The following BCAS1 variants were observed in gnomAD, a reference collection of about 807,000 sequenced individuals.
BCAS1 encodes brain enriched myelin associated protein 1.
In BCAS1, 46 loss-of-function variants were observed where a neutral mutation model predicts 65.4. The ratio of observed to expected loss-of-function variants is 0.70; its 90% confidence interval spans 0.55 to 0.90. The LOEUF (loss-of-function observed/expected upper bound fraction) is 0.90. BCAS1 is among the 40% of genes least tolerant of loss of function. The pLI, the probability that BCAS1 is intolerant of heterozygous loss-of-function variation, is 0.00. For synonymous variants in BCAS1, 298 were observed against 293.5 expected, an observed-to-expected ratio of 1.02 and a Z score of -0.16; for missense variants, 793 against 771.2, an observed-to-expected ratio of 1.03 and a Z score of -0.33.
At chr20:54,063,078 T>G (rs930701337) in intron 1 of BCAS1, among the ~76,000 whole-genome samples, 30 of 152,336 alleles carry the variant, frequency 2.0e-4, no homozygotes, top group African/African-American at 7.2e-4. Context: ...TGGCAACTCC[T>G]TCAGTGCCCC....
At chr20:53,946,913 G>A (rs942987886) in intron 12 of BCAS1, among the ~76,000 whole-genome samples, 1 of 151,822 alleles carries the variant, frequency 6.6e-6, no homozygotes, top group South Asian at 2.1e-4. Context: ...ATGTAATATA[G>A]TATATAGAGT....
chr20:54,061,612 T>C (rs891853915), intron 1 of BCAS1, among the ~76,000 whole-genome samples: 4 of 152,280 alleles, frequency 2.6e-5, no homozygotes, highest in East Asian at 3.9e-4. Flanking sequence ...CAATTAGATA[T>C]TGAGGAGGCC....
intron 4 of BCAS1, among the ~76,000 whole-genome samples, chr20:54,008,090 C>T (rs532414031): frequency 1.7e-4 from 26 of 152,340 alleles, no homozygotes; most frequent in African/African-American, 6.3e-4. Flanking sequence ...AGACAGAAAA[C>T]TTTTAGACAA....
chr20:54,058,613 T>TTTTTTG, intron 2 of BCAS1, 34 bp downstream of exon 2: 1 of 1,534,280 alleles, frequency 6.5e-7, no homozygotes, highest in Non-Finnish European at 8.7e-7. Flanking sequence ...TTTTTTTTTT[T>TTTTTTG]CTGCTGATGC....
chr20:54,047,246 A>G (rs1380203923), intron 3 of BCAS1, among the ~76,000 whole-genome samples: 1 of 152,160 alleles, frequency 6.6e-6, no homozygotes, highest in Non-Finnish European at 1.5e-5. Context: ...GCAAGAGACA[A>G]GGCAGAAGCT....
intron 4 of BCAS1, among the ~76,000 whole-genome samples, chr20:54,022,660 C>T (rs2091587200): frequency 6.6e-6 from 1 of 152,298 alleles, no homozygotes; most frequent in Non-Finnish European, 1.5e-5. Context: ...CCCAAGTTCT[C>T]TCCTCTGTTC....
At chr20:53,998,705 G>A (rs1329071589) in intron 4 of BCAS1, among the ~76,000 whole-genome samples, 1 of 152,168 alleles carries the variant, frequency 6.6e-6, no homozygotes, top group Non-Finnish European at 1.5e-5. Context: ...TACTTATTAA[G>A]CATTACATGT....
chr20:54,004,371 C>T (rs1216905616), intron 4 of BCAS1, among the ~76,000 whole-genome samples: 1 of 152,172 alleles, frequency 6.6e-6, no homozygotes, highest in Non-Finnish European at 1.5e-5. Flanking sequence ...ATAAGCCATC[C>T]AGTCTATGGT....
intron 3 of BCAS1, among the ~76,000 whole-genome samples, chr20:54,044,275 T>C (rs530293861): frequency 1.3e-5 from 2 of 152,350 alleles, no homozygotes; most frequent in African/African-American, 4.8e-5. Context: ...TCTCTTGGTC[T>C]ATCCTCCAAG....
intron 4 of BCAS1, among the ~76,000 whole-genome samples, chr20:54,014,112 T>G (rs181999148): frequency 7.2e-4 from 110 of 152,338 alleles, no homozygotes; most frequent in African/African-American, 2.5e-3. Context: ...GCCACCAGTG[T>G]GTGGCCTGTG....
intron 3 of BCAS1, among the ~76,000 whole-genome samples, chr20:54,052,290 C>T (rs2092230293): frequency 6.6e-6 from 1 of 152,198 alleles, no homozygotes; most frequent in Non-Finnish European, 1.5e-5. Context: ...CTAGCAACCA[C>T]TGATCTACTT....
chr20:54,013,383 A>G (rs2091363233), intron 4 of BCAS1, among the ~76,000 whole-genome samples: 1 of 152,256 alleles, frequency 6.6e-6, no homozygotes, highest in Admixed American at 6.5e-5. Context: ...CTAGAAATCC[A>G]GAAGTCATGA....
At chr20:54,010,009 A>T (rs1035020703) in intron 4 of BCAS1, among the ~76,000 whole-genome samples, 1 of 152,238 alleles carries the variant, frequency 6.6e-6, no homozygotes, top group African/African-American at 2.4e-5. Context: ...CAGAAAAAGT[A>T]TTCAACAAAA....
chr20:54,034,847 A>T (rs1194761225), intron 3 of BCAS1, among the ~76,000 whole-genome samples: 2 of 151,350 alleles, frequency 1.3e-5, no homozygotes, highest in African/African-American at 4.8e-5. Context: ...AGCAAAAAGC[A>T]TAAAGCTGAA....
rs1286703257 is a variant in BCAS1, at chr20:54,058,097, G to A, written c.130C>T (p.His44Tyr). 1 of 1,613,164 alleles carries A rather than the reference G, an allele frequency of 6.2e-7. No individual in the cohort carries two copies. Among genetic ancestry groups the A allele is most frequent in the South Asian group, 1.1e-5 (1 of 90,996 alleles). ...PVVVSTHTVQ[H>Y]LEEVDLGISV... is the part of the protein sequence containing the mutation. ...GAGTAGCACTGACCTTCCTCTAAGT[G>A]CTGAACTGTGTGGGTCGACACCACC... The change falls in exon 3 of 13, where the codon CAC becomes TAC. Residue 44 changes from histidine (H) to tyrosine (Y), a missense_variant. Physicochemically the swap from His to Tyr is moderately conservative, Grantham distance 83. Coordinates refer to ENST00000688948, the MANE Select transcript of BCAS1 (RefSeq NM_001366298.2).
intron 10 of BCAS1, among the ~76,000 whole-genome samples, chr20:53,962,006 A>C (rs1170846863): frequency 6.6e-6 from 1 of 152,234 alleles, no homozygotes; most frequent in African/African-American, 2.4e-5. Context: ...CCGATAACTG[A>C]AAAGTGCTGA....
Position 54,041,048 on chromosome 20 carries a change from C to A in BCAS1, c.143-12076G>T, listed in dbSNP as rs567757508. Among the ~76,000 whole-genome samples, 44 of 151,446 alleles carry A rather than the reference C, an allele frequency of 2.9e-4. 1 individual carries two copies. Among genetic ancestry groups the A allele is most frequent in the African/African-American group, 1.0e-3 (43 of 41,442 alleles). On this transcript the variant is annotated intron_variant, in intron 3 of 12. Coordinates refer to ENST00000688948, the MANE Select transcript of BCAS1 (RefSeq NM_001366298.2). The stretch of plus-strand genomic sequence containing the variant: ...TTATATCATGCTTTATACTTGGAAG[C>A]ATGGTACTAAGTGAAAGACGCCAGA...
Position 53,985,259 on chromosome 20 carries a change from C to T in BCAS1, c.1275+28G>A, listed in dbSNP as rs752845153. Reference sequence around the variant, plus strand: ...TCTGGAGTCATCCCCGCCCGGACGACTCTCTAACGCTTGAAAATCAGACTT... The same window carrying T: ...TCTGGAGTCATCCCCGCCCGGACGATTCTCTAACGCTTGAAAATCAGACTT... On this transcript the variant is annotated intron_variant, in intron 8 of 12. Transcript: ENST00000688948. 9.4e-6 allele frequency: 15 copies of T among 1,602,232 alleles called. No individual in the cohort carries two copies. In the South Asian group the frequency reaches 1.5e-4, roughly 16 times the overall value.
At chr20:53,984,423 G>A (rs1319288308) in intron 8 of BCAS1, among the ~76,000 whole-genome samples, 1 of 152,186 alleles carries the variant, frequency 6.6e-6, no homozygotes, top group African/African-American at 2.4e-5. Context: ...AACAGGCAAG[G>A]GGCCCCGCAT....
Sources: gnomAD v4.1 joint callset for allele counts (sites outside exome capture counted in the v4.1 genomes callset) on GRCh38, gnomAD v4.1.1 for gene constraint, MANE v1.5 for transcripts, NCBI Gene and HGNC (gene_info 2026-07-23, HGNC 2026-07-21) for gene names.